Variants in CCDC51 observed in about 807,000 individuals in gnomAD.
CCDC51 encodes the protein mitochondrial potassium channel.
CCDC51 carries 25 observed loss-of-function variants against 24.8 expected under a neutral mutation model. The ratio of observed to expected loss-of-function variants is 1.01; its 90% confidence interval spans 0.73 to 1.41. CCDC51 has a LOEUF of 1.41. Ranked by LOEUF, CCDC51 falls within the 40% of genes most tolerant of loss-of-function variation. The probability of loss-of-function intolerance (pLI) is 0.00; values close to 1 mark genes in which losing one functional copy is unlikely to be tolerated. For synonymous variants in CCDC51, 190 were observed against 204.3 expected (o/e 0.93, Z 0.60); for missense variants, 466 against 519.1 (o/e 0.90, Z 0.99).
At chr3:48,443,241 CAAAAAAAAAA>C (rs3082576), upstream of CCDC51, among the ~76,000 whole-genome samples, 48 of 70,542 alleles carry the variant, frequency 6.8e-4, no homozygotes, top group Middle Eastern at 0.01. Context: ...ACTCCATCTC[CAAAAAAAAAA>C]AAAAAAAAAA....
In CCDC51 at chr3:48,433,804, T is replaced by C. The variant is rs1382951762; in HGVS notation, c.380A>G (p.Gln127Arg). 1 of 1,613,954 alleles carries C rather than the reference T, an allele frequency of 6.2e-7. No homozygotes were observed. Among genetic ancestry groups the C allele is most frequent in the Admixed American group, 1.7e-5 (1 of 59,982 alleles). Residue 127 changes from glutamine to arginine, a missense_variant, in exon 3 of 4, where the codon CAG (glutamine) becomes CGG (arginine). Gln to Arg is a conservative substitution (Grantham distance 43). Coordinates refer to ENST00000395694, the MANE Select transcript of CCDC51 (RefSeq NM_001256964.2). This position sits in a 1 kb window ranked among gnomAD's most constrained non-coding sequence, Gnocchi z 4.4. ...REAREDLEVHQAKLKEVRDRL... is the reference protein window; with the variant it reads ...REAREDLEVHRAKLKEVRDRL... ...GTCCCTCACCTCCTTCAGCTTGGCCTGGTGAACTTCCAAGTCCTCCCGAGC... is the reference window on the plus strand; with the variant it reads ...GTCCCTCACCTCCTTCAGCTTGGCCCGGTGAACTTCCAAGTCCTCCCGAGC...
upstream of CCDC51, chr3:48,440,694 C>G (rs561810707): frequency 2.8e-6 from 4 of 1,442,056 alleles, no homozygotes; most frequent in Admixed American, 3.9e-5. Flanking sequence ...GATGAGGGCG[C>G]GGGCATGTCT....
Position 48,434,953 on chromosome 3 carries a change from C to A in CCDC51, c.176G>T (p.Arg59Leu). 1 of 1,614,210 alleles carries A rather than the reference C, an allele frequency of 6.2e-7. No homozygotes were observed. The highest frequency in any genetic ancestry group is 8.5e-7 in the Non-Finnish European group (1 of 1,180,036). ...PEEVALGLHH[R>L]LPALGRALGH... ...CAGGGCTCTTCCCAGTGCTGGGAGG[C>A]GGTGGTGCAGCCCCAGGGCCACCTC... The change falls in exon 2 of 4, where the codon CGC (arginine) becomes CTC (leucine). Residue 59 changes from arginine (R) to leucine (L), a missense_variant. Coordinates refer to ENST00000395694, the MANE Select transcript of CCDC51 (RefSeq NM_001256964.2).
At chr3:48,444,993 C>T (rs1032636254), upstream of CCDC51, 1 of 152,164 alleles carries the variant, frequency 6.6e-6, no homozygotes, top group African/African-American at 2.4e-5. Flanking sequence ...AGAGACCATC[C>T]ATAATGTGTG....
Position 48,435,854 on chromosome 3 carries a change from T to C in CCDC51, c.-8-718A>G, listed in dbSNP as rs1218827932. 6.6e-6 allele frequency among the ~76,000 whole-genome samples: 1 copy of C among 152,196 alleles called. No individual in the cohort carries two copies. Among genetic ancestry groups the C allele is most frequent in the Admixed American group, 6.5e-5 (1 of 15,280 alleles). The stretch of plus-strand genomic sequence containing the variant: ...GCCATACAACTCCGCCCCCAGACTT[T>C]CCAGGCTACCAACTCTCAGTCTCAC... On this transcript the variant is annotated intron_variant, in intron 1 of 3. Transcript: ENST00000395694. This position sits in a 1 kb window ranked among gnomAD's most constrained non-coding sequence, Gnocchi z 4.2.
chr3:48,440,244 G>A (rs2039520440), upstream of CCDC51: 7 of 1,566,414 alleles, frequency 4.5e-6, no homozygotes, highest in Non-Finnish European at 3.5e-6. Flanking sequence ...ACAAAGGGTG[G>A]GGCAGACGCT....
At chr3:48,443,165 T>C (rs1263846639), upstream of CCDC51, among the ~76,000 whole-genome samples, 2 of 140,262 alleles carry the variant, frequency 1.4e-5, no homozygotes, top group Non-Finnish European at 3.0e-5. Flanking sequence ...CACTTGAACC[T>C]GGGAGGCGGA....
At position 48,435,412 on chromosome 3, in the gene CCDC51, T is replaced by G. The variant is rs1239363201; in HGVS notation, c.-8-276A>C. Reference sequence around the variant, plus strand: ...CACCATGCCACACAAAGCGGACCCTTCCCTGCTACCCACTTCCCTACATCC... The same window carrying G: ...CACCATGCCACACAAAGCGGACCCTGCCCTGCTACCCACTTCCCTACATCC... On this transcript the variant is annotated intron_variant, in intron 1 of 3. Coordinates refer to ENST00000395694, the MANE Select transcript of CCDC51 (RefSeq NM_001256964.2). The surrounding 1 kb of genome is among the most constrained non-coding windows in gnomAD (Gnocchi z 4.2). 6.6e-6 allele frequency among the ~76,000 whole-genome samples: 1 copy of G among 152,156 alleles called. No individual in the cohort carries two copies. Among genetic ancestry groups the G allele is most frequent in the African/African-American group, 2.4e-5 (1 of 41,434 alleles).
chr3:48,434,905 G>T lies in CCDC51; in HGVS notation c.224C>A (p.Ala75Glu). 6.2e-7 allele frequency: 1 copy of T among 1,614,212 alleles called. No individual in the cohort carries two copies. Among genetic ancestry groups the T allele is most frequent in the Non-Finnish European group, 8.5e-7 (1 of 1,180,044 alleles). ...RALGHSIQQR[A>E]TSTAKTWWDR... ...CCACCAAGTCTTGGCTGTGGAGGTC[G>T]CTCGTTGCTGAATGCTGTGCCCCAG... is the stretch of plus-strand genomic sequence containing the variant. The change falls in exon 2 of 4, where the codon GCG becomes GAG. Residue 75 changes from alanine (A) to glutamate (E), a missense_variant. Ala to Glu is a moderately radical substitution (Grantham distance 107, BLOSUM62 -1). Transcript: ENST00000395694.
upstream of CCDC51, chr3:48,440,912 A>G (rs1022966352): frequency 1.8e-5 from 9 of 512,290 alleles, 1 homozygote; most frequent in Non-Finnish European, 2.8e-5. Context: ...GCAGATTCAC[A>G]GTTAAGTTTC....
chr3:48,442,083 C>T (rs1476431347), upstream of CCDC51, among the ~76,000 whole-genome samples: 13 of 152,094 alleles, frequency 8.5e-5, 1 homozygote, highest in South Asian at 2.1e-3. Flanking sequence ...ATTAGCTGGG[C>T]GTGGTGGTGG....
Position 48,432,452 on chromosome 3 carries a change from C to T in CCDC51, c.1192G>A (p.Val398Met). ...YSTLVTCVTF[V>M]ATLPVLYMLF... ...ATGTAGAGCACAGGCAGTGTGGCCA[C>T]AAATGTCACACAGGTGACCAGGGTG... Residue 398 changes from valine to methionine, a missense_variant, in exon 4 of 4, where the codon GTG becomes ATG. Coordinates refer to ENST00000395694, the MANE Select transcript of CCDC51 (RefSeq NM_001256964.2). The T allele has an allele frequency of 6.2e-7, 1 of 1,614,242 alleles. No homozygotes were observed. Among genetic ancestry groups the T allele is most frequent in the South Asian group, 1.1e-5 (1 of 91,086 alleles).
the CCDC51 span, chr3:48,446,231 C>T: frequency 6.6e-6 from 1 of 152,438 alleles, no homozygotes; most frequent in Non-Finnish European, 1.5e-5. Context: ...ATCATTCCTC[C>T]TTGGACTTTC....
upstream of CCDC51, chr3:48,440,306 C>A (rs746595421): frequency 3.7e-6 from 6 of 1,607,628 alleles, no homozygotes; most frequent in South Asian, 6.6e-5. Context: ...CATGTCCGGC[C>A]GCGAAGGTAA....
chr3:48,439,991 C>A lies in CCDC51; in HGVS notation c.-12G>T. ...ATGCACATGCCCTGCTGTCTACCTGCAGTGCTCTTCCCGCGCACGGCCACA... is the reference window on the plus strand; with the variant it reads ...ATGCACATGCCCTGCTGTCTACCTGAAGTGCTCTTCCCGCGCACGGCCACA... On this transcript the variant is annotated 5_prime_UTR_variant, in exon 1 of 4. Coordinates refer to ENST00000395694, the MANE Select transcript of CCDC51 (RefSeq NM_001256964.2). The A allele has an allele frequency of 2.0e-6, 1 of 491,008 alleles. No individual in the cohort carries two copies. Among genetic ancestry groups the A allele is most frequent in the Non-Finnish European group, 3.6e-6 (1 of 278,312 alleles). The allele number at this position is 491,008 out of a possible 1,614,324, so 30.4% of individuals were successfully genotyped here. A position where few individuals can be genotyped will look rare whatever the true frequency, so the allele number is the denominator to read the frequency against.
At chr3:48,440,617 A>G (rs1214575338), upstream of CCDC51, 3 of 1,611,436 alleles carry the variant, frequency 1.9e-6, no homozygotes, top group Non-Finnish European at 2.5e-6. Flanking sequence ...GCCGCGGGGA[A>G]GGGGCCCTTG....
rs774877304 is a variant in CCDC51, at chr3:48,432,899, G to T, written c.745C>A (p.Arg249=). Residue 249 remains arginine (R), a synonymous_variant, in exon 4 of 4, where the codon CGA becomes AGA. Coordinates refer to ENST00000395694, the MANE Select transcript of CCDC51 (RefSeq NM_001256964.2). ...CGGGAGTAGCTAGACGCCTGTTCTC[G>T]AATGGCCTCTTGGAGACTCACAGGC... ...KGPVSLQEAI[R]EQASSYSRQQ... is the part of the protein sequence containing the mutation. 14 of 1,613,914 alleles carry T rather than the reference G, an allele frequency of 8.7e-6. No homozygotes were observed. Among genetic ancestry groups the T allele is most frequent in the African/African-American group, 1.3e-5 (1 of 74,902 alleles).
At chr3:48,443,535 GA>G (rs35356755), upstream of CCDC51, among the ~76,000 whole-genome samples, 1,052 of 114,582 alleles carry the variant, frequency 9.2e-3, 5 homozygotes, top group Middle Eastern at 0.033. Context: ...TTCCATCTCA[GA>G]AAAAAAAAAA....
At chr3:48,444,426 C>A (rs2039631159), upstream of CCDC51, among the ~76,000 whole-genome samples, 2 of 152,164 alleles carry the variant, frequency 1.3e-5, no homozygotes, top group African/African-American at 2.4e-5. Context: ...GCACCCGCCA[C>A]CATGCCTAGC....
Sources: gnomAD v4.1 joint callset for allele counts (sites outside exome capture counted in the v4.1 genomes callset) on GRCh38, gnomAD v4.1.1 for gene constraint, Gnocchi (gnomAD v3.1) non-coding constraint, MANE v1.5 for transcripts, NCBI Gene and HGNC (gene_info 2026-07-23, HGNC 2026-07-21) for gene names.